Variants in GPR176 observed in about 807,000 individuals in gnomAD.
GPR176 encodes G protein-coupled receptor 176.
In GPR176, 26 loss-of-function variants were observed where a neutral mutation model predicts 35.4. That is an observed-to-expected ratio of 0.74 (90% confidence interval 0.54 to 1.02). GPR176 has a LOEUF of 1.02. GPR176 is among the 50% of genes least tolerant of loss of function. The probability of loss-of-function intolerance (pLI) is 0.00; values close to 1 mark genes in which losing one functional copy is unlikely to be tolerated. For missense variants in GPR176, 597 were observed against 665.3 expected, an observed-to-expected ratio of 0.90 and a Z score of 1.13; for synonymous variants, 278 against 271.3, an observed-to-expected ratio of 1.02 and a Z score of -0.24.
chr15:39,897,623 T>TTTTTTTTG (rs2033156554), intron 1 of GPR176, among the ~76,000 whole-genome samples: 3 of 150,144 alleles, frequency 2.0e-5, no homozygotes, highest in African/African-American at 7.4e-5. Flanking sequence ...TTTTTTTTTT[T>TTTTTTTTG]TGAGACGGAG....
intron 1 of GPR176, among the ~76,000 whole-genome samples, chr15:39,917,911 G>C (rs769515685): frequency 6.6e-6 from 1 of 151,942 alleles, no homozygotes; most frequent in Non-Finnish European, 1.5e-5. Flanking sequence ...CAGGCGTGGT[G>C]GTGGGTGCCT....
chr15:39,811,368 T>C (rs550432916), intron 1 of GPR176, among the ~76,000 whole-genome samples: 1 of 152,252 alleles, frequency 6.6e-6, no homozygotes, highest in South Asian at 2.1e-4. Context: ...TATGGTTGTA[T>C]TAAAATCTGC....
chr15:39,904,463 C>T (rs892879298), intron 1 of GPR176, among the ~76,000 whole-genome samples: 1 of 152,114 alleles, frequency 6.6e-6, no homozygotes, highest in East Asian at 1.9e-4. Flanking sequence ...CCTTCACCAA[C>T]CTGGAGGATA....
intron 1 of GPR176, among the ~76,000 whole-genome samples, chr15:39,890,200 G>A (rs1053838556): frequency 2.6e-5 from 4 of 152,182 alleles, no homozygotes; most frequent in African/African-American, 9.7e-5. Context: ...GCACACCACT[G>A]CCCTTAAGAC....
intron 1 of GPR176, among the ~76,000 whole-genome samples, chr15:39,873,399 G>A (rs2032121564): frequency 6.6e-6 from 1 of 152,086 alleles, no homozygotes; most frequent in African/African-American, 2.4e-5. Context: ...GAATCAATTT[G>A]GGAATGAGAA....
At chr15:39,895,112 C>A (rs1208018418) in intron 1 of GPR176, among the ~76,000 whole-genome samples, 1 of 152,144 alleles carries the variant, frequency 6.6e-6, no homozygotes, top group African/African-American at 2.4e-5. Context: ...CGCAGGTACT[C>A]GGCAGGCTGA....
chr15:39,913,283 A>T (rs2033627564), intron 1 of GPR176, among the ~76,000 whole-genome samples: 2 of 152,188 alleles, frequency 1.3e-5, no homozygotes, highest in Admixed American at 1.3e-4. Context: ...GGAGGCTAAC[A>T]CCTATAATCC....
At chr15:39,807,395 T>A in intron 1 of GPR176, 137 bp from the exon 2 acceptor site, 2 of 729,836 alleles carry the variant, frequency 2.7e-6, no homozygotes, top group Non-Finnish European at 4.1e-6. Flanking sequence ...ATCCTAATAT[T>A]AAAATTTAAC....
In GPR176 at chr15:39,809,022, G is replaced by T. The variant is rs192778537; in HGVS notation, c.173-1764C>A. ...AGCCCCATGCTCAGACTCTCACAGG[G>T]AACCAGTCCTCAGGTGTGAAGGGCA... On this transcript the variant is annotated intron_variant, in intron 1 of 2. Transcript: ENST00000561100. Among the ~76,000 whole-genome samples, 522 of 152,314 alleles carry T rather than the reference G, an allele frequency of 3.4e-3. 3 individuals are homozygous for T. The highest frequency in any genetic ancestry group is 5.5e-3 in the Non-Finnish European group (377 of 68,032).
intron 1 of GPR176, among the ~76,000 whole-genome samples, chr15:39,863,264 G>T (rs2031685834): frequency 6.6e-6 from 1 of 151,548 alleles, no homozygotes; most frequent in Admixed American, 6.6e-5. Flanking sequence ...TGTATTTTTA[G>T]TAGAGATGGG....
At chr15:39,822,618 C>T (rs866061541) in intron 1 of GPR176, among the ~76,000 whole-genome samples, 3 of 152,124 alleles carry the variant, frequency 2.0e-5, no homozygotes, top group African/African-American at 7.2e-5. Context: ...TTTAAGAAAA[C>T]AAATTTTAAA....
intron 1 of GPR176, among the ~76,000 whole-genome samples, chr15:39,896,211 A>G (rs566300236): frequency 2.6e-5 from 4 of 151,040 alleles, no homozygotes; most frequent in African/African-American, 9.7e-5. Flanking sequence ...TACATATGCC[A>G]CCACACCCAG....
intron 1 of GPR176, among the ~76,000 whole-genome samples, chr15:39,836,837 A>G (rs1247820108): frequency 6.6e-6 from 1 of 152,136 alleles, no homozygotes; most frequent in Non-Finnish European, 1.5e-5. Flanking sequence ...TGGCACATGG[A>G]GATGCTTACT....
chr15:39,890,118 G>C (rs1044998070), intron 1 of GPR176, among the ~76,000 whole-genome samples: 1 of 151,948 alleles, frequency 6.6e-6, no homozygotes, highest in South Asian at 2.1e-4. Flanking sequence ...GCTTTTTTTA[G>C]AGCCTACGAA....
At chr15:39,861,959 T>C (rs1211753706) in intron 1 of GPR176, 1 of 152,176 alleles carries the variant, frequency 6.6e-6, no homozygotes, top group East Asian at 1.9e-4. Context: ...TCCCTCTCTG[T>C]TCTAGGTTAT....
chr15:39,868,364 C>A (rs1020532829), intron 1 of GPR176, among the ~76,000 whole-genome samples: 1 of 152,070 alleles, frequency 6.6e-6, no homozygotes, highest in Non-Finnish European at 1.5e-5. Flanking sequence ...CATAAACCAG[C>A]CTAAAAACAA....
At chr15:39,841,102 C>G (rs895612576) in intron 1 of GPR176, among the ~76,000 whole-genome samples, 4 of 152,158 alleles carry the variant, frequency 2.6e-5, no homozygotes, top group African/African-American at 9.7e-5. Flanking sequence ...CCAACTACCA[C>G]TTAGCCCTGA....
rs111982910 is a variant in GPR176, at chr15:39,809,952, T to C, written c.173-2694A>G. Among the ~76,000 whole-genome samples the C allele has an allele frequency of 4.6e-3, 699 of 152,166 alleles. 4 individuals carry two copies. The highest frequency in any genetic ancestry group is 6.9e-3 in the Non-Finnish European group (466 of 67,998). ...CGAGGTCAGGAGATCGAGACCATCC[T>C]GGCTAACATGGTGAAACCCCGTCTC... On this transcript the variant is annotated intron_variant, in intron 1 of 2. Transcript: ENST00000561100.
rs556240284 is a variant in GPR176 at position 39,856,331 on chromosome 15, T to C, written c.173-49073A>G. Among the ~76,000 whole-genome samples, 5 of 152,366 alleles carry C rather than the reference T, an allele frequency of 3.3e-5. No individual in the cohort carries two copies. The East Asian group carries it at 7.7e-4, about 23-fold the overall frequency. ...GCTTACTGTCTATCCCTCATACAAA[T>C]ATAATCTTTAGACAGTATATTAGTT... On this transcript the variant is annotated intron_variant, in intron 1 of 2. Coordinates refer to ENST00000561100, the MANE Select transcript of GPR176 (RefSeq NM_007223.3).
Sources: gnomAD v4.1 joint callset for allele counts (sites outside exome capture counted in the v4.1 genomes callset) on GRCh38, gnomAD v4.1.1 for gene constraint, MANE v1.5 for transcripts, NCBI Gene and HGNC (gene_info 2026-07-23, HGNC 2026-07-21) for gene names.